TSC22D2: variants seen among roughly 807,000 people sequenced by gnomAD.
TSC22D2 encodes TSC22 domain family member 2.
Under a neutral mutation model 50.1 loss-of-function variants are expected in TSC22D2, and 5 were observed. The ratio of observed to expected loss-of-function variants is 0.10; its 90% CI spans 0.05 to 0.21. TSC22D2 has a LOEUF of 0.21. Among genes scored for constraint, TSC22D2 ranks in the 10% least tolerant of loss-of-function variants. The pLI is 1.00. For synonymous variants in TSC22D2, 501 were observed against 450.1 expected, an observed-to-expected ratio of 1.11 and a Z score of -1.43; for missense variants, 1,003 against 1,015.5, an observed-to-expected ratio of 0.99 and a Z score of 0.17.
At chr3:150,426,737 G>C (rs1216984225) in intron 1 of TSC22D2, among the ~76,000 whole-genome samples, 1 of 152,092 alleles carries the variant, frequency 6.6e-6, no homozygotes, top group Admixed American at 6.5e-5. Context: ...CCAGTATTTA[G>C]AGAGAAGTTA....
chr3:150,410,849 A>C lies in TSC22D2; in HGVS notation c.1499A>C (p.His500Pro). Residue 500 changes from histidine to proline, a missense_variant, in exon 1 of 3, where the codon CAC (histidine) becomes CCC (proline). Coordinates refer to ENST00000688009, the MANE Select transcript of TSC22D2 (RefSeq NM_001303264.2). ...GPLSAVPGGPHAVVPGVPNVP... is the reference protein window; with the variant it reads ...GPLSAVPGGPPAVVPGVPNVP... ...CTGTCAGCCGTACCTGGTGGCCCTC[A>C]CGCCGTGGTGCCCGGAGTTCCAAAC... is the stretch of plus-strand genomic sequence containing the variant. The C allele has an allele frequency of 6.2e-7, 1 of 1,613,694 alleles. No homozygotes were observed. The highest frequency in any genetic ancestry group is 8.5e-7 in the Non-Finnish European group (1 of 1,179,982).
At chr3:150,431,383 A>G (rs546483391) in intron 1 of TSC22D2, among the ~76,000 whole-genome samples, 19 of 152,106 alleles carry the variant, frequency 1.2e-4, no homozygotes, top group Non-Finnish European at 2.5e-4. Context: ...ATTATCAAAT[A>G]TGAATATACA....
At chr3:150,421,340 CAACCAAAAAAAA>C (rs1720000676) in intron 1 of TSC22D2, among the ~76,000 whole-genome samples, 2 of 150,882 alleles carry the variant, frequency 1.3e-5, no homozygotes, top group Admixed American at 6.6e-5. Flanking sequence ...ACAAAAACAA[CAACCAAAAAAAA>C]AACCAGATTG....
rs140720065 is a variant in TSC22D2, at chr3:150,425,506, A to T, written c.1958+14198A>T. Among the ~76,000 whole-genome samples, 679 of 152,316 alleles carry T rather than the reference A, an allele frequency of 4.5e-3. 2 individuals carry two copies. The highest frequency in any genetic ancestry group is 6.8e-3 in the Middle Eastern group (2 of 294). On this transcript the variant is annotated intron_variant, in intron 1 of 2. Coordinates refer to ENST00000688009, the MANE Select transcript of TSC22D2 (RefSeq NM_001303264.2). ...ACTCCAACCTGGGTGACAAGAGCGA[A>T]ACTCCATCTCAAAAAGAAAAAGATA...
chr3:150,415,913 C>G (rs1267308091), intron 1 of TSC22D2, among the ~76,000 whole-genome samples: 2 of 152,220 alleles, frequency 1.3e-5, no homozygotes, highest in Non-Finnish European at 2.9e-5. Context: ...GAATGGGAGT[C>G]TATCTTTCTC....
intron 1 of TSC22D2, among the ~76,000 whole-genome samples, chr3:150,451,994 C>T (rs1405143570): frequency 6.6e-6 from 1 of 152,088 alleles, no homozygotes; most frequent in Non-Finnish European, 1.5e-5. Context: ...GTAACTAGGA[C>T]CGTGGGCTTG....
intron 1 of TSC22D2, among the ~76,000 whole-genome samples, chr3:150,436,812 C>T (rs572560947): frequency 3.0e-4 from 45 of 152,256 alleles, no homozygotes; most frequent in Middle Eastern, 3.4e-3. Context: ...TTTCAGACTA[C>T]GTGAGAGACT....
intron 1 of TSC22D2, among the ~76,000 whole-genome samples, chr3:150,449,472 T>G (rs939466001): frequency 6.6e-6 from 1 of 152,186 alleles, no homozygotes; most frequent in Admixed American, 6.5e-5. Flanking sequence ...GTATATTATC[T>G]TCTTTAATGT....
At chr3:150,430,711 G>C (rs1720350332) in intron 1 of TSC22D2, among the ~76,000 whole-genome samples, 5 of 152,102 alleles carry the variant, frequency 3.3e-5, no homozygotes, top group Admixed American at 3.3e-4. Flanking sequence ...TTTTATTAGA[G>C]TTCAAGCTTT....
rs1252404556 is a variant in TSC22D2, at chr3:150,465,096, TAGTA to T, written c.*6463_*6466del. ...AAGTAATAAAAGTGACATTTCAAAT[TAGTA>T]AGGAAAAAATGGATTATTCAACAAA... is the stretch of plus-strand genomic sequence containing the variant. On this transcript the variant is annotated 3_prime_UTR_variant, in exon 3 of 3. Transcript: ENST00000688009. The T allele has an allele frequency of 6.6e-6, 1 of 152,108 alleles. No homozygotes were observed. The highest frequency in any genetic ancestry group is 1.5e-5 in the Non-Finnish European group (1 of 67,990). The allele number at this position is 152,108 out of a possible 1,614,324, so 9.4% of individuals were successfully genotyped here.
chr3:150,415,046 T>C (rs1468795127), intron 1 of TSC22D2, among the ~76,000 whole-genome samples: 1 of 151,864 alleles, frequency 6.6e-6, no homozygotes, highest in East Asian at 1.9e-4. Flanking sequence ...TGTGTCATTA[T>C]TGTTTAGCAT....
At position 150,409,281 on chromosome 3, in the gene TSC22D2, C is replaced by T. The variant is rs1719400504; in HGVS notation, c.-70C>T. ...GACTTTGTCTTTGGGGGCCCGTGCT[C>T]TGCCCTCCCCGGTTTCCGACAGGAC... is the stretch of plus-strand genomic sequence containing the variant. On this transcript the variant is annotated 5_prime_UTR_variant, in exon 1 of 3. Coordinates refer to ENST00000688009, the MANE Select transcript of TSC22D2 (RefSeq NM_001303264.2). This position sits in a 1 kb window ranked among gnomAD's most constrained non-coding sequence, Gnocchi z 7.4. 4 of 1,504,914 alleles carry T rather than the reference C, an allele frequency of 2.7e-6. No individual in the cohort carries two copies. Among genetic ancestry groups the T allele is most frequent in the Non-Finnish European group, 2.7e-6 (3 of 1,122,344 alleles). 93.2% of individuals were successfully genotyped at this position (1,504,914 alleles called of 1,614,324 possible).
intron 1 of TSC22D2, among the ~76,000 whole-genome samples, chr3:150,418,522 AC>A (rs376176365): frequency 2.5e-4 from 38 of 152,012 alleles, no homozygotes; most frequent in African/African-American, 8.2e-4. Flanking sequence ...CTTAGAAGTA[AC>A]CCATTATTAC....
At chr3:150,411,593 T>C (rs562062378) in intron 1 of TSC22D2, among the ~76,000 whole-genome samples, 2 of 152,328 alleles carry the variant, frequency 1.3e-5, no homozygotes, top group African/African-American at 4.8e-5. Flanking sequence ...TTAATGGTGG[T>C]AGCTAGTGTG....
chr3:150,443,632 T>C (rs1016668442), intron 1 of TSC22D2, among the ~76,000 whole-genome samples: 1 of 152,222 alleles, frequency 6.6e-6, no homozygotes, highest in African/African-American at 2.4e-5. Context: ...CTTGCACTTA[T>C]TCATGAGTCA....
At position 150,461,386 on chromosome 3, in the gene TSC22D2, A is replaced by T. The variant is rs146878408; in HGVS notation, c.*2750A>T. The T allele has an allele frequency of 7.7e-4, 118 of 152,300 alleles. No homozygotes were observed. The highest frequency in any genetic ancestry group is 2.6e-3 in the African/African-American group (108 of 41,566). 9.4% of individuals were successfully genotyped at this position (152,300 alleles called of 1,614,324 possible). A position where few individuals can be genotyped will look rare whatever the true frequency, so the allele number is the denominator to read the frequency against. ...TAGTTGTAAATATTAACTGATTGAGATCCCAATTTGGAGGCACAGTCTTAC... is the reference window on the plus strand; with the variant it reads ...TAGTTGTAAATATTAACTGATTGAGTTCCCAATTTGGAGGCACAGTCTTAC... On this transcript the variant is annotated 3_prime_UTR_variant, in exon 3 of 3. Coordinates refer to ENST00000688009, the MANE Select transcript of TSC22D2 (RefSeq NM_001303264.2).
At chr3:150,414,479 C>A (rs1719724903) in intron 1 of TSC22D2, among the ~76,000 whole-genome samples, 1 of 152,134 alleles carries the variant, frequency 6.6e-6, no homozygotes, top group East Asian at 1.9e-4. Flanking sequence ...AGGCCGCATT[C>A]CAGGAACTCT....
Position 150,409,719 on chromosome 3 carries a change from G to A in TSC22D2, c.369G>A (p.Ala123=). Reference sequence around the variant, plus strand: ...GGGCGCTCGCCAGTACCCTGGCGGCGGCTGCCACTTCGGCCCCCGCCCCCG... The same window carrying A: ...GGGCGCTCGCCAGTACCCTGGCGGCAGCTGCCACTTCGGCCCCCGCCCCCG... ...VSGALASTLA[A]AATSAPAPGA... Residue 123 remains alanine, a synonymous_variant, in exon 1 of 3, where the codon GCG becomes GCA. Transcript: ENST00000688009. This position sits in a 1 kb window ranked among gnomAD's most constrained non-coding sequence, Gnocchi z 7.4. 2 of 1,593,404 alleles carry A rather than the reference G, an allele frequency of 1.3e-6. No individual in the cohort carries two copies. Among genetic ancestry groups the A allele is most frequent in the South Asian group, 1.1e-5 (1 of 90,288 alleles).
chr3:150,453,662 G>A (rs962286304), intron 1 of TSC22D2, among the ~76,000 whole-genome samples: 1 of 152,210 alleles, frequency 6.6e-6, no homozygotes, highest in Non-Finnish European at 1.5e-5. Flanking sequence ...TGATGCTGAT[G>A]ATTCTGGTTC....
Sources: gnomAD v4.1 joint callset for allele counts (sites outside exome capture counted in the v4.1 genomes callset) on GRCh38, gnomAD v4.1.1 for gene constraint, Gnocchi (gnomAD v3.1) non-coding constraint, MANE v1.5 for transcripts, NCBI Gene and HGNC (gene_info 2026-07-23, HGNC 2026-07-21) for gene names.